The following F13B variants were observed in gnomAD, a reference collection of about 807,000 sequenced individuals.
F13B encodes the protein coagulation factor XIII B chain.
Under a neutral mutation model 79.8 loss-of-function variants are expected in F13B, and 58 were observed. That is an observed-to-expected ratio of 0.73 (90% CI 0.59 to 0.90). The LOEUF (loss-of-function observed/expected upper bound fraction) is 0.90. Among genes scored for constraint, F13B ranks in the 40% least tolerant of loss-of-function variants. F13B has a pLI of 0.00. For synonymous variants in F13B, 283 were observed against 260.3 expected, an observed-to-expected ratio of 1.09 and a Z score of -0.84; for missense variants, 773 against 777.0, an observed-to-expected ratio of 0.99 and a Z score of 0.06.
In F13B at chr1:197,040,691, G is replaced by A. The variant is rs761964408; in HGVS notation, c.1783C>T (p.Leu595Phe). 1 of 1,612,556 alleles carries A rather than the reference G, an allele frequency of 6.2e-7. No individual in the cohort carries two copies. Among genetic ancestry groups the A allele is most frequent in the East Asian group, 2.2e-5 (1 of 44,744 alleles). Residue 595 changes from leucine (L) to phenylalanine (F), a missense_variant, in exon 11 of 12, where the codon CTT (leucine) becomes TTT (phenylalanine). By Grantham distance (22) the Leu-to-Phe change is conservative (BLOSUM62 0). Transcript: ENST00000367412. ...CTATTGTCAAAATCCCATTTCAGAAGTAAATTATTCTTTTCCATTTCAGTA... is the reference window on the plus strand; with the variant it reads ...CTATTGTCAAAATCCCATTTCAGAAATAAATTATTCTTTTCCATTTCAGTA... ...SFTEMEKNNL[L>F]LKWDFDNRPH...
chr1:197,062,713 C>A, intron 2 of F13B, 144 bp downstream of exon 2: 1 of 758,764 alleles, frequency 1.3e-6, no homozygotes, highest in Non-Finnish European at 2.3e-6. Context: ...ATTATGCCTT[C>A]ATTTTGTAGA....
intron 1 of F13B, 123 bp from the exon 2 acceptor site, chr1:197,063,180 C>T (rs1655930176): frequency 2.5e-6 from 2 of 814,688 alleles, no homozygotes; most frequent in Non-Finnish European, 4.0e-6. Flanking sequence ...ATTTTTCTTA[C>T]TTAAATTTTT....
intron 10 of F13B, among the ~76,000 whole-genome samples, chr1:197,044,284 T>A (rs1158175801): frequency 6.6e-6 from 1 of 151,942 alleles, no homozygotes; most frequent in Non-Finnish European, 1.5e-5. Context: ...AGCTCAGCAG[T>A]CTGAGATCAA....
rs1655296742 is a variant in F13B, at chr1:197,047,998, C to T, written c.1738+2699G>A. ...AACACCAGGGCCTGTCTGTGGGGGT[C>T]TGGGGGAGGGATAGCTTTAGGAGAA... On this transcript the variant is annotated intron_variant, in intron 10 of 11. Transcript: ENST00000367412. 2.0e-5 allele frequency among the ~76,000 whole-genome samples: 3 copies of T among 151,686 alleles called. No homozygotes were observed. The South Asian group carries it at 6.3e-4, about 32-fold the overall frequency.
chr1:197,064,286 T>C (rs1046468558), intron 1 of F13B, among the ~76,000 whole-genome samples: 1 of 152,048 alleles, frequency 6.6e-6, no homozygotes, highest in African/African-American at 2.4e-5. Context: ...CAAACCATAT[T>C]ACCCAATAAA....
chr1:197,064,670 A>AT lies in F13B; in HGVS notation c.65-1614dup, dbSNP rs539744951. Among the ~76,000 whole-genome samples the AT allele has an allele frequency of 6.2e-4, 95 of 152,194 alleles. 3 individuals carry two copies. In the South Asian group the frequency reaches 0.019, roughly 30 times the overall value. ...TATATCTTGATCTGGATGGTGTAAA[A>AT]TTTTGTAAAAACTATATAAGTGTAT... On this transcript the variant is annotated intron_variant, in intron 1 of 11. Coordinates refer to ENST00000367412, the MANE Select transcript of F13B (RefSeq NM_001994.3).
chr1:197,044,355 A>G (rs1026454325), intron 10 of F13B, among the ~76,000 whole-genome samples: 1 of 152,122 alleles, frequency 6.6e-6, no homozygotes, highest in African/African-American at 2.4e-5. Context: ...AGGGGTTACA[A>G]TCCTAGTCTC....
intron 6 of F13B, 25 bp from the exon 7 acceptor site, chr1:197,057,223 A>C: frequency 6.2e-7 from 1 of 1,613,898 alleles, no homozygotes; most frequent in African/African-American, 1.3e-5. Flanking sequence ...TTGAAAGAGA[A>C]CTGACCATTT....
chr1:197,050,611 A>G, intron 10 of F13B, 86 bp downstream of exon 10: 1 of 1,144,392 alleles, frequency 8.7e-7, no homozygotes, highest in Admixed American at 1.9e-5. Context: ...ATATAGCATT[A>G]TATTAGTGTT....
chr1:197,062,735 C>T (rs1447353367), intron 2 of F13B, 122 bp downstream of exon 2: 2 of 833,468 alleles, frequency 2.4e-6, no homozygotes, highest in East Asian at 2.4e-5. Context: ...AGACAGATTG[C>T]TAGTGATTTT....
chr1:197,067,016 A>C, intron 1 of F13B, 144 bp downstream of exon 1: 1 of 440,082 alleles, frequency 2.3e-6, no homozygotes, highest in Non-Finnish European at 4.0e-6. Flanking sequence ...AAAAGGTCTA[A>C]ATATTATAAA....
At position 197,040,732 on chromosome 1, in the gene F13B, G is replaced by T. The variant is rs751388812; in HGVS notation, c.1742C>A (p.Pro581Gln). 13 of 1,603,560 alleles carry T rather than the reference G, an allele frequency of 8.1e-6. No individual in the cohort carries two copies. The highest frequency in any genetic ancestry group is 9.4e-6 in the Non-Finnish European group (11 of 1,173,472). Residue 581 changes from proline to glutamine, a missense_variant, in exon 11 of 12, where the codon CCA becomes CAA. Transcript: ENST00000367412. ...MWTTPPLCLE[P>Q]CTLSFTEMEK... Reference sequence around the variant, plus strand: ...CATTTCAGTAAAAGATAATGTGCATGGCTCTGGGAACAACAATTTAAAAAA... The same window carrying T: ...CATTTCAGTAAAAGATAATGTGCATTGCTCTGGGAACAACAATTTAAAAAA...
intron 10 of F13B, among the ~76,000 whole-genome samples, chr1:197,041,890 C>T (rs774132154): frequency 6.6e-6 from 1 of 152,098 alleles, no homozygotes; most frequent in Admixed American, 6.6e-5. Flanking sequence ...ATCTTAGCAA[C>T]CTCAGCATAC....
In F13B at chr1:197,061,765, T is replaced by C. The variant is rs773791675; in HGVS notation, c.451+19A>G. On this transcript the variant is annotated intron_variant, in intron 3 of 11. Transcript: ENST00000367412. The stretch of plus-strand genomic sequence containing the variant: ...CTTGATAAGCACTTATCTTCAGTTT[T>C]AGGAAATGATTCTTATACCATGTTC... 93 of 1,607,718 alleles carry C rather than the reference T, an allele frequency of 5.8e-5. No individual in the cohort carries two copies. The highest frequency in any genetic ancestry group is 6.9e-5 in the Non-Finnish European group (81 of 1,174,852).
intron 1 of F13B, among the ~76,000 whole-genome samples, chr1:197,066,926 A>G (rs1656073306): frequency 6.6e-6 from 1 of 152,022 alleles, no homozygotes; most frequent in South Asian, 2.1e-4. Flanking sequence ...TATGCCCCCT[A>G]GAGATACAAG....
In F13B at chr1:197,039,170, T is replaced by C. The variant is rs556119836; in HGVS notation, c.*208A>G. 1.9e-5 allele frequency: 10 copies of C among 534,250 alleles called. No homozygotes were observed. Among genetic ancestry groups the C allele is most frequent in the African/African-American group, 3.8e-5 (2 of 52,578 alleles). The allele number at this position is 534,250 out of a possible 1,614,324, so 33.1% of individuals were successfully genotyped here. On this transcript the variant is annotated 3_prime_UTR_variant, in exon 12 of 12. Transcript: ENST00000367412. ...ACAGATGGAAGACATACAAAAGAGATTAAGTTCTACATCAAATCATACAAA... is the reference window on the plus strand; with the variant it reads ...ACAGATGGAAGACATACAAAAGAGACTAAGTTCTACATCAAATCATACAAA...
At chr1:197,064,684 A>G (rs1655985221) in intron 1 of F13B, among the ~76,000 whole-genome samples, 1 of 152,170 alleles carries the variant, frequency 6.6e-6, no homozygotes. Flanking sequence ...TGTAAAAACT[A>G]TATAAGTGTA....
chr1:197,051,166 C>T (rs1263703452), intron 9 of F13B, among the ~76,000 whole-genome samples: 1 of 152,124 alleles, frequency 6.6e-6, no homozygotes, highest in Non-Finnish European at 1.5e-5. Flanking sequence ...ACCTTGGCCT[C>T]CCAAAGTGCT....
chr1:197,062,843 T>G lies in F13B; in HGVS notation c.265+14A>C, dbSNP rs928064447. Reference sequence around the variant, plus strand: ...GAGTATTGAAACATTGAGTGACATATCCAGCTGACTTACTGAAGCACCTTG... The same window carrying G: ...GAGTATTGAAACATTGAGTGACATAGCCAGCTGACTTACTGAAGCACCTTG... On this transcript the variant is annotated intron_variant, in intron 2 of 11. Transcript: ENST00000367412. The G allele has an allele frequency of 6.2e-7, 1 of 1,612,944 alleles. No individual in the cohort carries two copies. Among genetic ancestry groups the G allele is most frequent in the African/African-American group, 1.3e-5 (1 of 74,886 alleles).
Sources: allele counts gnomAD v4.1 joint callset (sites outside exome capture counted in the v4.1 genomes callset), GRCh38; gene constraint gnomAD v4.1.1; transcripts MANE v1.5; gene names NCBI Gene and HGNC (gene_info 2026-07-23, HGNC 2026-07-21).